The following LGR6 variants were observed in gnomAD, a reference collection of about 807,000 sequenced individuals.
LGR6 encodes the protein leucine-rich repeat-containing G protein-coupled receptor 6.
Under a neutral mutation model 69.4 loss-of-function variants are expected in LGR6, and 45 were observed. That is an observed-to-expected ratio of 0.65 (90% CI 0.51 to 0.83). LGR6 has a LOEUF of 0.83. Among genes scored for constraint, LGR6 ranks in the 40% least tolerant of loss-of-function variants. The probability of loss-of-function intolerance (pLI) is 0.00; values close to 1 mark genes in which losing one functional copy is unlikely to be tolerated. For synonymous variants in LGR6, 538 were observed against 555.0 expected, an observed-to-expected ratio of 0.97 and a Z score of 0.43; for missense variants, 1,108 against 1,246.7, an observed-to-expected ratio of 0.89 and a Z score of 1.68.
chr1:202,194,003 CG>C lies in LGR6; in HGVS notation c.18del (p.Leu7SerfsTer61). The C allele has an allele frequency of 3.6e-6, 5 of 1,377,030 alleles. No homozygotes were observed. Among genetic ancestry groups the C allele is most frequent in the Non-Finnish European group, 4.7e-6 (5 of 1,067,940 alleles). 85.3% of individuals were successfully genotyped at this position (1,377,030 alleles called of 1,614,324 possible). On this transcript the variant is annotated frameshift_variant, in exon 1 of 18. Transcript: ENST00000367278. LOFTEE classifies it high-confidence loss of function. Reference protein sequence around the residue: MPSPPGLRALWLCAA... With the variant: MPSPXGLRALWLCAA... ...CCGACCGCCGAGATGCCCAGCCCGC[CG>C]GGGCTCCGGGCGCTATGGCTTTGCG...
At chr1:202,235,858 C>A in intron 3 of LGR6, 64 bp from the exon 4 acceptor site, 2 of 1,455,584 alleles carry the variant, frequency 1.4e-6, no homozygotes, top group South Asian at 2.3e-5. Flanking sequence ...AGGGAGGAGT[C>A]AGCACCCTCC....
At chr1:202,224,853 C>T (rs2993437) in intron 1 of LGR6, among the ~76,000 whole-genome samples, 60,146 of 151,974 alleles carry the variant, frequency 0.4, 12,805 homozygotes, top group East Asian at 0.72. Context: ...CTGGTAGACA[C>T]CTCAAAGGGC....
intron 1 of LGR6, among the ~76,000 whole-genome samples, chr1:202,206,901 ATTTATTTATTTAT>A (rs1414008741): frequency 1.6e-4 from 11 of 68,434 alleles, no homozygotes; most frequent in Non-Finnish European, 3.6e-4. Flanking sequence ...TTATTTATTT[ATTTATTTATTTAT>A]TTATTTATTT....
In LGR6 at chr1:202,193,813, G is replaced by T. The variant is rs1658524595; in HGVS notation, c.-177G>T. 5 of 302,092 alleles carry T rather than the reference G, an allele frequency of 1.7e-5. No homozygotes were observed. The South Asian group carries it at 6.9e-4, about 42-fold the overall frequency. The allele number at this position is 302,092 out of a possible 1,614,324, so 18.7% of individuals were successfully genotyped here. ...TAACGAAGATCACTCAACAATGCCT[G>T]CCCCTCTCTGACTGCACCGTCCCGG... On this transcript the variant is annotated 5_prime_UTR_variant, in exon 1 of 18. Transcript: ENST00000367278.
chr1:202,301,408 T>C (rs550205377), intron 9 of LGR6, among the ~76,000 whole-genome samples, 173 bp downstream of exon 9: 4 of 152,288 alleles, frequency 2.6e-5, no homozygotes, highest in African/African-American at 9.6e-5. Flanking sequence ...TCCCACCTCT[T>C]TCTAAATTTA....
At position 202,210,211 on chromosome 1, in the gene LGR6, TG is replaced by T. The variant is rs988963039; in HGVS notation, c.213-15209del. Among the ~76,000 whole-genome samples, 45 of 152,074 alleles carry T rather than the reference TG, an allele frequency of 3.0e-4. 1 individual carries two copies. Among genetic ancestry groups the T allele is most frequent in the African/African-American group, 1.1e-3 (44 of 41,408 alleles). ...TGCCCTGCCGCAAGGCTCATTCCCT[TG>T]GGTTCAGATTCCTGGTTACTTGTCT... On this transcript the variant is annotated intron_variant, in intron 1 of 17. Transcript: ENST00000367278.
chr1:202,270,306 G>A (rs1257094015), intron 4 of LGR6, among the ~76,000 whole-genome samples: 1 of 151,660 alleles, frequency 6.6e-6, no homozygotes, highest in Non-Finnish European at 1.5e-5. Flanking sequence ...GCAATGGCGC[G>A]ATCTCGGCTC....
At chr1:202,314,708 A>G in intron 16 of LGR6, 94 bp from the exon 17 acceptor site, 1 of 847,766 alleles carries the variant, frequency 1.2e-6, no homozygotes, top group South Asian at 1.4e-5. Flanking sequence ...CAGAGTTAGT[A>G]AGGGACATCT....
intron 4 of LGR6, among the ~76,000 whole-genome samples, chr1:202,256,466 C>T (rs993500881): frequency 1.3e-5 from 2 of 152,202 alleles, no homozygotes; most frequent in Admixed American, 6.5e-5. Flanking sequence ...TGGTCTTGAA[C>T]TCGTGACCTC....
chr1:202,231,473 T>C (rs925972467), intron 3 of LGR6, among the ~76,000 whole-genome samples: 2 of 151,936 alleles, frequency 1.3e-5, no homozygotes, highest in African/African-American at 4.8e-5. Flanking sequence ...TGACAGGGAG[T>C]GGATCTAGCT....
intron 6 of LGR6, among the ~76,000 whole-genome samples, chr1:202,284,297 T>G (rs1374270868): frequency 6.6e-6 from 1 of 152,082 alleles, no homozygotes; most frequent in Non-Finnish European, 1.5e-5. Flanking sequence ...CATCCACAAC[T>G]CCTTTCTACT....
At chr1:202,299,493 G>T (rs780411839) in intron 7 of LGR6, among the ~76,000 whole-genome samples, 3 of 151,928 alleles carry the variant, frequency 2.0e-5, no homozygotes, top group Non-Finnish European at 2.9e-5. Context: ...TATATGGGAG[G>T]GGGTGTACCT....
At chr1:202,233,185 G>C (rs1259632051) in intron 3 of LGR6, among the ~76,000 whole-genome samples, 1 of 152,208 alleles carries the variant, frequency 6.6e-6, no homozygotes, top group Non-Finnish European at 1.5e-5. Context: ...TCTGTATTGG[G>C]AGGAGGTACA....
At chr1:202,308,708 G>A (rs1035228372) in intron 14 of LGR6, among the ~76,000 whole-genome samples, 1 of 152,198 alleles carries the variant, frequency 6.6e-6, no homozygotes, top group African/African-American at 2.4e-5. Flanking sequence ...CTTCCTGGAT[G>A]GCACTTAGAA....
intron 14 of LGR6, 146 bp downstream of exon 14, chr1:202,307,547 C>T: frequency 1.5e-6 from 1 of 686,258 alleles, no homozygotes. Flanking sequence ...TTCTGACAAT[C>T]CGTTTGACAG....
chr1:202,281,769 C>A (rs1490268015), intron 6 of LGR6, among the ~76,000 whole-genome samples: 3 of 151,948 alleles, frequency 2.0e-5, no homozygotes, highest in African/African-American at 7.3e-5. Context: ...ACCTTGCCCT[C>A]CATAACCAAC....
At chr1:202,317,339 GTTT>G (rs143394771) in intron 17 of LGR6, among the ~76,000 whole-genome samples, 1 of 128,086 alleles carries the variant, frequency 7.8e-6, no homozygotes, top group Non-Finnish European at 1.9e-5. Flanking sequence ...GTGTTTTTTT[GTTT>G]TTTTTTTGTT....
chr1:202,236,232 G>A (rs979660116), intron 4 of LGR6: 4 of 547,648 alleles, frequency 7.3e-6, no homozygotes, highest in Non-Finnish European at 9.8e-6. Context: ...CCCCACTGGG[G>A]GACTGTGGGA....
intron 4 of LGR6, among the ~76,000 whole-genome samples, chr1:202,269,062 GC>G (rs1356879550): frequency 6.6e-6 from 1 of 152,058 alleles, no homozygotes; most frequent in Non-Finnish European, 1.5e-5. Flanking sequence ...GTGCCACCAT[GC>G]CTGGCTAACT....
Sources: gnomAD v4.1 joint callset for allele counts (sites outside exome capture counted in the v4.1 genomes callset) on GRCh38, gnomAD v4.1.1 for gene constraint, MANE v1.5 for transcripts, NCBI Gene and HGNC (gene_info 2026-07-23, HGNC 2026-07-21) for gene names.